SMPD3: variants seen among roughly 807,000 people sequenced by gnomAD.
SMPD3 encodes the protein sphingomyelin phosphodiesterase 3.
Under a neutral mutation model 55.7 loss-of-function variants are expected in SMPD3, and 21 were observed. The ratio of observed to expected loss-of-function variants is 0.38; its 90% confidence interval spans 0.27 to 0.54. The LOEUF (loss-of-function observed/expected upper bound fraction) is 0.54. SMPD3 is among the 20% of genes least tolerant of loss of function. SMPD3 has a pLI of 0.80. For synonymous variants in SMPD3, 457 were observed against 404.3 expected (o/e 1.13, Z -1.56); for missense variants, 842 against 899.6 (o/e 0.94, Z 0.82).
At chr16:68,403,614 G>C (rs2090229320) in intron 1 of SMPD3, among the ~76,000 whole-genome samples, 1 of 152,138 alleles carries the variant, frequency 6.6e-6, no homozygotes. Flanking sequence ...TTGATCCTGG[G>C]ATCTGTAACC....
intron 1 of SMPD3, among the ~76,000 whole-genome samples, chr16:68,405,545 C>CAAAAAAAAAAAAAAAAAAAAAGAA (rs2090246988): frequency 1.4e-5 from 1 of 72,990 alleles, no homozygotes; most frequent in Non-Finnish European, 2.7e-5. Flanking sequence ...GACCCTGTCT[C>CAAAAAAAAAAAAAAAAAAAAAGAA]AAAAAAAAAA....
chr16:68,372,755 G>A (rs1287761745), intron 2 of SMPD3, among the ~76,000 whole-genome samples: 1 of 152,208 alleles, frequency 6.6e-6, no homozygotes, highest in Non-Finnish European at 1.5e-5. Flanking sequence ...CTGACCGGGG[G>A]CCGCCGGAAG....
intron 1 of SMPD3, among the ~76,000 whole-genome samples, chr16:68,405,603 G>A (rs927865556): frequency 6.8e-6 from 1 of 147,938 alleles, no homozygotes; most frequent in South Asian, 2.2e-4. Flanking sequence ...GAATAATTTT[G>A]TCTGGGAGGC....
intron 1 of SMPD3, among the ~76,000 whole-genome samples, chr16:68,423,132 T>C (rs146331056): frequency 7.6e-4 from 116 of 152,314 alleles, no homozygotes; most frequent in Non-Finnish European, 1.3e-3. Flanking sequence ...TGGTTCAAGT[T>C]AGCATCAGAG....
chr16:68,381,762 C>A (rs1009578097), intron 2 of SMPD3, among the ~76,000 whole-genome samples: 3 of 152,096 alleles, frequency 2.0e-5, no homozygotes, highest in Non-Finnish European at 4.4e-5. Context: ...AGAAGAAAAC[C>A]TTTGATTATA....
intron 7 of SMPD3, 87 bp from the exon 8 acceptor site, chr16:68,361,846 C>T (rs1350119290): frequency 2.1e-6 from 3 of 1,459,290 alleles, no homozygotes; most frequent in Admixed American, 3.9e-5. Flanking sequence ...TGGTCTCCTC[C>T]CAGTGTGGGA....
intron 2 of SMPD3, among the ~76,000 whole-genome samples, chr16:68,379,631 C>T (rs1015457614): frequency 6.6e-6 from 1 of 152,192 alleles, no homozygotes; most frequent in Non-Finnish European, 1.5e-5. Context: ...TCCGTCTCCT[C>T]GCAGGAGGTT....
rs541338757 is a variant in SMPD3 at position 68,427,400 on chromosome 16, G to A, written c.-269+20953C>T. ...GGAAGAACTGGGAGGAATAATGAAT[G>A]CATCTAGTGAAAGAATTGGGACCCT... On this transcript the variant is annotated intron_variant, in intron 1 of 8. Coordinates refer to ENST00000219334, the MANE Select transcript of SMPD3 (RefSeq NM_018667.4). Among the ~76,000 whole-genome samples, 7 of 152,334 alleles carry A rather than the reference G, an allele frequency of 4.6e-5. No homozygotes were observed. The South Asian group carries it at 1.4e-3, about 32-fold the overall frequency.
intron 1 of SMPD3, among the ~76,000 whole-genome samples, chr16:68,416,170 C>T (rs1448786817): frequency 6.6e-6 from 1 of 152,232 alleles, no homozygotes; most frequent in Non-Finnish European, 1.5e-5. Context: ...GCTGCTGCCA[C>T]TGTGCCCGTA....
rs1014005173 is a variant in SMPD3 at position 68,369,755 on chromosome 16, G to A, written c.1323+1104C>T. The A allele has an allele frequency of 2.0e-5, 3 of 151,894 alleles. No individual in the cohort carries two copies. In the East Asian group the frequency reaches 5.8e-4, roughly 29 times the overall value. The allele number at this position is 151,894 out of a possible 1,614,324, so 9.4% of individuals were successfully genotyped here. A position where few individuals can be genotyped will look rare whatever the true frequency, so the allele number is the denominator to read the frequency against. On this transcript the variant is annotated intron_variant, in intron 3 of 8. Transcript: ENST00000219334. ...GCAGAGCCACACAAGAGCCATGGAC[G>A]AACCAGAAGTGGGGGCCAGGGCCCT...
chr16:68,442,409 T>C (rs781389192), intron 1 of SMPD3, among the ~76,000 whole-genome samples: 5 of 152,260 alleles, frequency 3.3e-5, no homozygotes, highest in Non-Finnish European at 5.9e-5. Context: ...GTTCAAGATT[T>C]CTATAAGAAA....
chr16:68,361,769 C>T lies in SMPD3; in HGVS notation c.1710-10G>A. 1 of 1,611,162 alleles carries T rather than the reference C, an allele frequency of 6.2e-7. No homozygotes were observed. Among genetic ancestry groups the T allele is most frequent in the Non-Finnish European group, 8.5e-7 (1 of 1,179,660 alleles). On this transcript the variant is annotated splice_polypyrimidine_tract_variant and intron_variant, in intron 7 of 8. Transcript: ENST00000219334. ...CTCACTCTCCAGGACCCTGTCCACA[C>T]ATGCAGGAGGCAGGTGGGCCCCCAT...
intron 4 of SMPD3, 26 bp from the exon 5 acceptor site, chr16:68,364,932 G>A: frequency 4.3e-6 from 7 of 1,612,846 alleles, no homozygotes; most frequent in African/African-American, 1.3e-5. Context: ...ACAGAGACTG[G>A]ATGATGAAGT....
intron 1 of SMPD3, among the ~76,000 whole-genome samples, chr16:68,421,177 C>G (rs917858338): frequency 6.6e-6 from 1 of 152,190 alleles, no homozygotes; most frequent in African/African-American, 2.4e-5. Context: ...TGCCTCTGTA[C>G]ACAGGGGCCC....
At chr16:68,364,186 C>G (rs950462150) in intron 5 of SMPD3, among the ~76,000 whole-genome samples, 1 of 152,340 alleles carries the variant, frequency 6.6e-6, no homozygotes, top group Middle Eastern at 3.4e-3. Context: ...ATCCACAGAT[C>G]AGTTATTTAC....
intron 1 of SMPD3, among the ~76,000 whole-genome samples, chr16:68,414,119 A>G (rs2090321920): frequency 6.6e-6 from 1 of 152,246 alleles, no homozygotes; most frequent in South Asian, 2.1e-4. Flanking sequence ...TAACAGGGCT[A>G]GGCTGAGTAT....
chr16:68,438,799 T>C (rs1273148421), intron 1 of SMPD3, among the ~76,000 whole-genome samples: 4 of 152,108 alleles, frequency 2.6e-5, no homozygotes, highest in Admixed American at 2.6e-4. Flanking sequence ...CCCTCCCTCC[T>C]TCAAAATAAT....
chr16:68,411,978 G>A (rs1282292141), intron 1 of SMPD3, among the ~76,000 whole-genome samples: 1 of 152,122 alleles, frequency 6.6e-6, no homozygotes, highest in African/African-American at 2.4e-5. Flanking sequence ...TTTGAGACAT[G>A]GTGGCTGGGA....
At chr16:68,425,936 A>C (rs1308496714) in intron 1 of SMPD3, among the ~76,000 whole-genome samples, 1 of 152,172 alleles carries the variant, frequency 6.6e-6, no homozygotes, top group East Asian at 1.9e-4. Flanking sequence ...TACCCCCAGC[A>C]CAGAGGATTC....
Sources: gnomAD v4.1 joint callset for allele counts (sites outside exome capture counted in the v4.1 genomes callset) on GRCh38, gnomAD v4.1.1 for gene constraint, MANE v1.5 for transcripts, NCBI Gene and HGNC (gene_info 2026-07-23, HGNC 2026-07-21) for gene names.